Variants in BLK observed in about 807,000 individuals in gnomAD.
BLK encodes tyrosine-protein kinase Blk.
BLK carries 64 observed loss-of-function variants against 61.8 expected under a neutral mutation model. The ratio of observed to expected loss-of-function variants is 1.03; its 90% CI spans 0.85 to 1.27. BLK has a LOEUF of 1.27. BLK is among the 50% of genes most tolerant of loss of function. The pLI is 0.00. For synonymous variants in BLK, 351 were observed against 272.0 expected, an observed-to-expected ratio of 1.29 and a Z score of -2.86; for missense variants, 853 against 660.5, an observed-to-expected ratio of 1.29 and a Z score of -3.19.
chr8:11,562,146 C>A (rs1389706885), intron 11 of BLK, among the ~76,000 whole-genome samples: 1 of 152,186 alleles, frequency 6.6e-6, no homozygotes, highest in East Asian at 1.9e-4. Context: ...ATTAACCTTC[C>A]ATGGAATTAG....
intron 1 of BLK, among the ~76,000 whole-genome samples, chr8:11,523,246 T>G (rs748630343): frequency 6.6e-6 from 1 of 152,198 alleles, no homozygotes; most frequent in Non-Finnish European, 1.5e-5. Flanking sequence ...TACCATGCTG[T>G]AATACATAAT....
chr8:11,519,268 A>T (rs1316740838), intron 1 of BLK, among the ~76,000 whole-genome samples: 1 of 152,176 alleles, frequency 6.6e-6, no homozygotes, highest in Non-Finnish European at 1.5e-5. Context: ...CGCTACCTTC[A>T]TGTGGGGCTG....
intron 6 of BLK, among the ~76,000 whole-genome samples, chr8:11,552,036 T>G (rs1275574270): frequency 6.6e-6 from 1 of 152,110 alleles, no homozygotes; most frequent in Non-Finnish European, 1.5e-5. Context: ...GGAGAGGAGA[T>G]GGTGACAGTG....
At chr8:11,502,168 T>C (rs759884434) in intron 1 of BLK, among the ~76,000 whole-genome samples, 100 of 152,394 alleles carry the variant, frequency 6.6e-4, no homozygotes, top group Non-Finnish European at 1.3e-3. Context: ...TAAGATGCAG[T>C]AAAAATAATC....
At position 11,533,472 on chromosome 8, in the gene BLK, A is replaced by G. The variant is rs1363315843; in HGVS notation, c.-1-9752A>G. Among the ~76,000 whole-genome samples the G allele has an allele frequency of 2.6e-5, 4 of 152,202 alleles. No homozygotes were observed. The East Asian group carries it at 7.7e-4, about 29-fold the overall frequency. On this transcript the variant is annotated intron_variant, in intron 1 of 12. Transcript: ENST00000259089. ...TAAGAGAGGTTCAAGTCGTGACCAG[A>G]TGTGTATCTGGGTAAGATACGTGTG...
intron 1 of BLK, among the ~76,000 whole-genome samples, chr8:11,515,112 T>C (rs2169892): frequency 6.6e-6 from 1 of 152,128 alleles, no homozygotes; most frequent in African/African-American, 2.4e-5. Context: ...CACCAAGAAC[T>C]TTCAGGGTTT....
chr8:11,557,063 A>G (rs957468344), intron 9 of BLK, among the ~76,000 whole-genome samples: 3 of 152,064 alleles, frequency 2.0e-5, no homozygotes, highest in Non-Finnish European at 2.9e-5. Flanking sequence ...TCAGCCCAGG[A>G]GCAGTTCAGA....
chr8:11,504,510 G>A (rs1426058345), intron 1 of BLK, among the ~76,000 whole-genome samples: 1 of 152,214 alleles, frequency 6.6e-6, no homozygotes, highest in Admixed American at 6.5e-5. Flanking sequence ...TTCAGAAGGG[G>A]GAGAAGTAGG....
rs1585412633 is a variant in BLK at position 11,555,845 on chromosome 8, G to T, written c.772+361G>T. The T allele has an allele frequency of 1.1e-5, 4 of 367,764 alleles. No homozygotes were observed. In the East Asian group the frequency reaches 2.8e-4, roughly 26 times the overall value. 22.8% of individuals were successfully genotyped at this position (367,764 alleles called of 1,614,324 possible). A position where few individuals can be genotyped will look rare whatever the true frequency, so the allele number is the denominator to read the frequency against. Reference sequence around the variant, plus strand: ...GGAAACAGGAGGTTAAACGTGATGAGCCATGATGTTCCAGAGCCTGAGTGC... The same window carrying T: ...GGAAACAGGAGGTTAAACGTGATGATCCATGATGTTCCAGAGCCTGAGTGC... On this transcript the variant is annotated intron_variant, in intron 8 of 12. Coordinates refer to ENST00000259089, the MANE Select transcript of BLK (RefSeq NM_001715.3).
intron 1 of BLK, among the ~76,000 whole-genome samples, chr8:11,519,050 C>T (rs541545277): frequency 6.6e-6 from 1 of 152,274 alleles, no homozygotes; most frequent in African/African-American, 2.4e-5. Context: ...AATCAGTGGC[C>T]GTTTACTTTG....
At chr8:11,515,511 G>A (rs145604561) in intron 1 of BLK, among the ~76,000 whole-genome samples, 1,773 of 152,214 alleles carry the variant, frequency 0.012, 18 homozygotes, top group South Asian at 0.033. Context: ...AATTGCTTGC[G>A]TCTCTCTGGG....
chr8:11,504,623 C>T (rs553349385), intron 1 of BLK, among the ~76,000 whole-genome samples: 185 of 152,234 alleles, frequency 1.2e-3, no homozygotes, highest in African/African-American at 4.3e-3. Flanking sequence ...TAATTGCAGG[C>T]GGGAGGGGCT....
At chr8:11,555,283 CCTGG>C (rs1179821889) in intron 7 of BLK, 45 bp from the exon 8 acceptor site, 3 of 1,612,504 alleles carry the variant, frequency 1.9e-6, no homozygotes, top group Non-Finnish European at 2.5e-6. Context: ...CAAGGTAGAG[CCTGG>C]CTGCTCTGGT....
At chr8:11,561,048 G>C in intron 10 of BLK, 1 of 659,940 alleles carries the variant, frequency 1.5e-6, no homozygotes, top group East Asian at 3.0e-5. Flanking sequence ...ACACAGCTGT[G>C]TGGAGCGAGA....
intron 1 of BLK, among the ~76,000 whole-genome samples, chr8:11,511,235 C>T (rs1162241619): frequency 2.6e-5 from 4 of 152,070 alleles, no homozygotes; most frequent in African/African-American, 9.7e-5. Flanking sequence ...TTTGTCTTCA[C>T]ACAGCAATGA....
chr8:11,556,635 C>T (rs771750559), intron 8 of BLK, 23 bp from the exon 9 acceptor site: 7 of 1,614,056 alleles, frequency 4.3e-6, no homozygotes, highest in Non-Finnish European at 5.1e-6. Context: ...TTCTGATTGG[C>T]TTCTTCACTC....
chr8:11,546,786 G>T (rs996357665), intron 3 of BLK, among the ~76,000 whole-genome samples: 1 of 152,214 alleles, frequency 6.6e-6, no homozygotes, highest in African/African-American at 2.4e-5. Flanking sequence ...ATGTTGGCCA[G>T]ATTGGTCTTA....
chr8:11,556,970 G>T (rs151256004), intron 9 of BLK, 133 bp downstream of exon 9: 7 of 648,204 alleles, frequency 1.1e-5, no homozygotes, highest in African/African-American at 5.6e-5. Flanking sequence ...ACGGTGTGGG[G>T]ACAGGGAGGG....
chr8:11,543,386 A>G (rs764551083), intron 2 of BLK, 39 bp downstream of exon 2: 7 of 1,609,518 alleles, frequency 4.3e-6, no homozygotes, highest in Non-Finnish European at 5.9e-6. Flanking sequence ...CAGATTACTT[A>G]CTTCTCCTAT....
Sources: allele counts gnomAD v4.1 joint callset (sites outside exome capture counted in the v4.1 genomes callset), GRCh38; gene constraint gnomAD v4.1.1; transcripts MANE v1.5; gene names NCBI Gene and HGNC (gene_info 2026-07-23, HGNC 2026-07-21).